Variants in ZSCAN12 observed in about 807,000 individuals in gnomAD.
The protein encoded by ZSCAN12 is zinc finger and SCAN domain-containing protein 12.
A neutral mutation model predicts 23.4 loss-of-function variants in ZSCAN12; 18 were observed. That is an observed-to-expected ratio of 0.77 (90% CI 0.53 to 1.14). ZSCAN12 has a LOEUF of 1.14. ZSCAN12 is among the 50% of genes most tolerant of loss of function. ZSCAN12 has a pLI of 0.00. For synonymous variants in ZSCAN12, 186 were observed against 253.4 expected (o/e 0.73, Z 2.53); for missense variants, 650 against 735.0 (o/e 0.88, Z 1.34).
At position 28,391,187 on chromosome 6, in the gene ZSCAN12, C is replaced by T. The variant is rs752561507; in HGVS notation, c.1103G>A (p.Ser368Asn). ...ATGGTGAAAGAGGCCTGCTTTCTGA[C>T]TAAAGGCTTTGCCACAGTCATTACA... ...YHCNDCGKAF[S>N]QKAGLFHHIK... The change falls in exon 4 of 4, where the codon AGT becomes AAT. Residue 368 changes from serine to asparagine, a missense_variant. Physicochemically the swap from Ser to Asn is conservative, Grantham distance 46. Transcript: ENST00000684592. This position sits in a 1 kb window ranked among gnomAD's most constrained non-coding sequence, Gnocchi z 4.1. 3.4e-5 allele frequency: 52 copies of T among 1,551,874 alleles called. No homozygotes were observed. Among genetic ancestry groups the T allele is most frequent in the Non-Finnish European group, 4.5e-5 (52 of 1,147,074 alleles).
intron 2 of ZSCAN12, among the ~76,000 whole-genome samples, chr6:28,396,793 C>T (rs190378113): frequency 1.0e-3 from 152 of 151,834 alleles, no homozygotes; most frequent in Admixed American, 2.5e-3. Flanking sequence ...TTAGTAGAGA[C>T]GGGGTTTCAC....
chr6:28,395,680 A>C (rs1230789439), intron 2 of ZSCAN12, among the ~76,000 whole-genome samples: 2 of 152,214 alleles, frequency 1.3e-5, no homozygotes, highest in Non-Finnish European at 2.9e-5. Context: ...CCATCTCAGA[A>C]TACAATTCGA....
intron 2 of ZSCAN12, among the ~76,000 whole-genome samples, chr6:28,397,470 T>G (rs1445307396): frequency 6.6e-6 from 1 of 152,192 alleles, no homozygotes; most frequent in Non-Finnish European, 1.5e-5. Context: ...AACTCTGCTA[T>G]TTGGAATTCA....
At chr6:28,393,339 CAAAGG>C (rs919899004) in intron 2 of ZSCAN12, among the ~76,000 whole-genome samples, 1 of 148,742 alleles carries the variant, frequency 6.7e-6, no homozygotes, top group Non-Finnish European at 1.5e-5. Flanking sequence ...AAAGACAAAA[CAAAGG>C]AGAGAAGAAA....
In ZSCAN12 at chr6:28,398,150, G is replaced by C; in HGVS notation, c.256C>G (p.Leu86Val). 1.9e-6 allele frequency: 3 copies of C among 1,614,104 alleles called. No homozygotes were observed. The highest frequency in any genetic ancestry group is 2.5e-6 in the Non-Finnish European group (3 of 1,180,020). The change falls in exon 2 of 4, where the codon CTG becomes GTG. Residue 86 changes from leucine to valine, a missense_variant. Coordinates refer to ENST00000684592, the MANE Select transcript of ZSCAN12 (RefSeq NM_001163391.2). ...AACTGCTCCAGCACCAGCAGCTCCA[G>C]AATCTGTTCTTTGGTGTGGGTCTCT... ...RPETHTKEQI[L>V]ELLVLEQFLT...
Position 28,388,932 on chromosome 6 carries a change from T to C in ZSCAN12, c.*1522A>G. Among the ~76,000 whole-genome samples the C allele has an allele frequency of 6.6e-6, 1 of 152,200 alleles. No individual in the cohort carries two copies. The highest frequency in any genetic ancestry group is 1.9e-4 in the East Asian group (1 of 5,198). ...TCCATGTGGCTTATCTGTTGTCCACTAAAATAATCAAGACAGGTTCTCATC... is the reference window on the plus strand; with the variant it reads ...TCCATGTGGCTTATCTGTTGTCCACCAAAATAATCAAGACAGGTTCTCATC... On this transcript the variant is annotated 3_prime_UTR_variant, in exon 4 of 4. Coordinates refer to ENST00000684592, the MANE Select transcript of ZSCAN12 (RefSeq NM_001163391.2).
rs1296885223 is a variant in ZSCAN12, at chr6:28,391,501, T to C, written c.789A>G (p.Glu263=). 6.4e-7 allele frequency: 1 copy of C among 1,551,850 alleles called. No homozygotes were observed. The highest frequency in any genetic ancestry group is 1.4e-5 in the African/African-American group (1 of 73,040). Residue 263 remains glutamate (E), a synonymous_variant, in exon 4 of 4, where the codon GAA becomes GAG. Transcript: ENST00000684592. The surrounding 1 kb of genome is among the most constrained non-coding windows in gnomAD (Gnocchi z 4.1). ...CTTCTCCTGGACAGATTCTCTGATG[T>C]TCAGTATGGTCAGAGTTCTCAGTCA... ...VSLTENSDHT[E]HQRICPGEES...
rs924003595 is a variant in ZSCAN12 at position 28,385,930 on chromosome 6, C to T, written c.*4524G>A. Among the ~76,000 whole-genome samples the T allele has an allele frequency of 1.3e-5, 2 of 152,178 alleles. No individual in the cohort carries two copies. Among genetic ancestry groups the T allele is most frequent in the Non-Finnish European group, 2.9e-5 (2 of 68,028 alleles). On this transcript the variant is annotated 3_prime_UTR_variant, in exon 4 of 4. Transcript: ENST00000684592. ...TATCTTAGAGGTCTCTACAACCAAC[C>T]TCATTATACAGTTGAGATGTCTCAA...
rs1023463593 is a variant in ZSCAN12, at chr6:28,388,027, C to T, written c.*2427G>A. ...GGCTTTGGAGCCGCAAGCAGCTGAACCTTGGTTTGGTTACAAGTTTGCATT... is the reference window on the plus strand; with the variant it reads ...GGCTTTGGAGCCGCAAGCAGCTGAATCTTGGTTTGGTTACAAGTTTGCATT... On this transcript the variant is annotated 3_prime_UTR_variant, in exon 4 of 4. Coordinates refer to ENST00000684592, the MANE Select transcript of ZSCAN12 (RefSeq NM_001163391.2). 6.6e-6 allele frequency among the ~76,000 whole-genome samples: 1 copy of T among 152,142 alleles called. No individual in the cohort carries two copies. The highest frequency in any genetic ancestry group is 1.5e-5 in the Non-Finnish European group (1 of 68,032).
intron 2 of ZSCAN12, 97 bp downstream of exon 2, chr6:28,397,907 C>T: frequency 7.1e-6 from 10 of 1,408,468 alleles, no homozygotes; most frequent in Non-Finnish European, 9.3e-6. Context: ...ACCAAACTGT[C>T]AAAAACATGC....
chr6:28,395,954 T>C, intron 2 of ZSCAN12, among the ~76,000 whole-genome samples: 1 of 151,986 alleles, frequency 6.6e-6, no homozygotes, highest in East Asian at 1.9e-4. Flanking sequence ...TCCTTTTCTC[T>C]GCTTTTATTG....
At position 28,385,715 on chromosome 6, in the gene ZSCAN12, A is replaced by G. The variant is rs1261069198; in HGVS notation, c.*4739T>C. Among the ~76,000 whole-genome samples, 1 of 152,214 alleles carries G rather than the reference A, an allele frequency of 6.6e-6. No individual in the cohort carries two copies. The highest frequency in any genetic ancestry group is 1.5e-5 in the Non-Finnish European group (1 of 68,038). The stretch of plus-strand genomic sequence containing the variant: ...AATGTTGTAAGTAAAGCATTTAGTA[A>G]TGTCTGGCCCTTAGTAAGCAGCTAA... On this transcript the variant is annotated 3_prime_UTR_variant, in exon 4 of 4. Transcript: ENST00000684592.
rs980733651 is a variant in ZSCAN12 at position 28,385,576 on chromosome 6, G to A, written c.*4878C>T. Among the ~76,000 whole-genome samples, 15 of 152,214 alleles carry A rather than the reference G, an allele frequency of 9.9e-5. No individual in the cohort carries two copies. The highest frequency in any genetic ancestry group is 3.6e-4 in the African/African-American group (15 of 41,454). ...AGGAAGTGTATCACAGAGGTTAAAAGTGTGAACTCTGGAACTGGGCTGCTT... is the reference window on the plus strand; with the variant it reads ...AGGAAGTGTATCACAGAGGTTAAAAATGTGAACTCTGGAACTGGGCTGCTT... On this transcript the variant is annotated 3_prime_UTR_variant, in exon 4 of 4. Transcript: ENST00000684592.
Position 28,390,334 on chromosome 6 carries a change from C to A in ZSCAN12, c.*120G>T. On this transcript the variant is annotated 3_prime_UTR_variant, in exon 4 of 4. Coordinates refer to ENST00000684592, the MANE Select transcript of ZSCAN12 (RefSeq NM_001163391.2). ...TACAATGGGCAGCACACAGTGAATT[C>A]TTATTAAATATCTGAGGTTTCCTTA... 4 of 766,166 alleles carry A rather than the reference C, an allele frequency of 5.2e-6. No homozygotes were observed. Among genetic ancestry groups the A allele is most frequent in the Non-Finnish European group, 7.9e-6 (4 of 504,696 alleles). The allele number at this position is 766,166 out of a possible 1,614,324, so 47.5% of individuals were successfully genotyped here. A position where few individuals can be genotyped will look rare whatever the true frequency, so the allele number is the denominator to read the frequency against.
chr6:28,392,429 G>T (rs1172413898), intron 3 of ZSCAN12, among the ~76,000 whole-genome samples: 1 of 152,094 alleles, frequency 6.6e-6, no homozygotes, highest in Non-Finnish European at 1.5e-5. Context: ...ACCCACCTTG[G>T]CCTCCCAAAG....
downstream of ZSCAN12, chr6:28,378,895 T>C (rs554942021): frequency 6.6e-6 from 1 of 152,208 alleles, no homozygotes; most frequent in Non-Finnish European, 1.5e-5. Flanking sequence ...ATAATAGTAA[T>C]AGAGTTAAAA....
intron 2 of ZSCAN12, among the ~76,000 whole-genome samples, chr6:28,397,261 A>C (rs1444772532): frequency 6.6e-6 from 1 of 152,160 alleles, no homozygotes; most frequent in Non-Finnish European, 1.5e-5. Flanking sequence ...TGGTGCACAA[A>C]ATTGGCACTG....
downstream of ZSCAN12, chr6:28,381,594 G>C (rs1273236119): frequency 3.3e-5 from 5 of 152,166 alleles, no homozygotes; most frequent in Non-Finnish European, 4.4e-5. Flanking sequence ...AGAAGGAGAT[G>C]AGTAGAGACA....
downstream of ZSCAN12, chr6:28,381,466 A>G (rs910477697): frequency 1.3e-5 from 2 of 152,236 alleles, no homozygotes; most frequent in African/African-American, 4.8e-5. Flanking sequence ...ATTCATGTCT[A>G]AAATGTAAGA....
Sources: allele counts gnomAD v4.1 joint callset (sites outside exome capture counted in the v4.1 genomes callset), GRCh38; gene constraint gnomAD v4.1.1; non-coding constraint Gnocchi (gnomAD v3.1); transcripts MANE v1.5; gene names NCBI Gene and HGNC (gene_info 2026-07-23, HGNC 2026-07-21).